CLPX: variants seen among roughly 807,000 people sequenced by gnomAD.
CLPX encodes the protein ATP-dependent clpX-like chaperone, mitochondrial.
Under a neutral mutation model 76.4 loss-of-function variants are expected in CLPX, and 34 were observed. That is an observed-to-expected ratio of 0.45 (90% CI 0.34 to 0.59). The LOEUF (loss-of-function observed/expected upper bound fraction) is 0.59. Among genes scored for constraint, CLPX ranks in the 20% least tolerant of loss-of-function variants. CLPX has a pLI of 0.01. For missense variants in CLPX, 613 were observed against 757.0 expected (o/e 0.81, Z 2.23); for synonymous variants, 248 against 270.9 (o/e 0.92, Z 0.83).
At chr15:65,182,985 A>G (rs1380949901) in intron 1 of CLPX, among the ~76,000 whole-genome samples, 2 of 151,430 alleles carry the variant, frequency 1.3e-5, no homozygotes, top group Non-Finnish European at 2.9e-5. Flanking sequence ...GAACATGGCA[A>G]AATCCCGTCT....
intron 3 of CLPX, among the ~76,000 whole-genome samples, chr15:65,168,917 C>T (rs1242086411): frequency 2.7e-5 from 4 of 148,594 alleles, no homozygotes; most frequent in Non-Finnish European, 4.5e-5. Flanking sequence ...AGTGCAGTGG[C>T]GTGATCACTA....
chr15:65,167,776 T>C (rs1390770273), intron 3 of CLPX, among the ~76,000 whole-genome samples: 1 of 150,916 alleles, frequency 6.6e-6, no homozygotes, highest in Non-Finnish European at 1.5e-5. Context: ...TAATCCCAGC[T>C]ACTCGGGAGG....
chr15:65,160,368 T>G lies in CLPX; in HGVS notation c.716-1617A>C, dbSNP rs192913156. 3.4e-3 allele frequency among the ~76,000 whole-genome samples: 521 copies of G among 152,296 alleles called. 2 individuals carry two copies. Among genetic ancestry groups the G allele is most frequent in the African/African-American group, 0.012 (501 of 41,558 alleles). On this transcript the variant is annotated intron_variant, in intron 6 of 13. Coordinates refer to ENST00000300107, the MANE Select transcript of CLPX (RefSeq NM_006660.5). ...ATAATTAGTGAATAATTCACAATGTTGTGCCTCATTATAATCCACATCAGC... is the reference window on the plus strand; with the variant it reads ...ATAATTAGTGAATAATTCACAATGTGGTGCCTCATTATAATCCACATCAGC...
chr15:65,159,418 C>A (rs946583374), intron 6 of CLPX, among the ~76,000 whole-genome samples: 1 of 152,180 alleles, frequency 6.6e-6, no homozygotes, highest in South Asian at 2.1e-4. Flanking sequence ...TGAGAACAGC[C>A]TGGCCAACAC....
At chr15:65,167,914 CAT>C (rs892638840) in intron 3 of CLPX, among the ~76,000 whole-genome samples, 9 of 151,352 alleles carry the variant, frequency 5.9e-5, no homozygotes, top group Admixed American at 5.9e-4. Context: ...ATAATTATTT[CAT>C]ATCTTTCTTA....
chr15:65,185,037 G>GA, intron 1 of CLPX, 38 bp downstream of exon 1: 2 of 1,205,602 alleles, frequency 1.7e-6, no homozygotes, highest in South Asian at 3.1e-5. Context: ...CCCCCCCCCC[G>GA]ACAGGCTGAG....
intron 6 of CLPX, among the ~76,000 whole-genome samples, chr15:65,159,106 A>G (rs918226836): frequency 6.6e-6 from 1 of 152,240 alleles, no homozygotes; most frequent in African/African-American, 2.4e-5. Flanking sequence ...TAGAAGCTAC[A>G]TGATCTAGGG....
In CLPX at chr15:65,158,651, ACCT is replaced by A; in HGVS notation, c.813_815del (p.Gly272del). 2 of 1,613,766 alleles carry A rather than the reference ACCT, an allele frequency of 1.2e-6. No individual in the cohort carries two copies. The highest frequency in any genetic ancestry group is 1.7e-6 in the Non-Finnish European group (2 of 1,179,860). ...CATCATGAGAAGAATCCAATACTTC[ACCT>A]CCTCGTTTTTCCTGAGGTATTTGTT... On this transcript the variant is annotated inframe_deletion, in exon 7 of 14. Coordinates refer to ENST00000300107, the MANE Select transcript of CLPX (RefSeq NM_006660.5).
chr15:65,162,696 AC>A, intron 5 of CLPX, 51 bp from the exon 6 acceptor site: 1 of 1,016,964 alleles, frequency 9.8e-7, no homozygotes, highest in Non-Finnish European at 1.5e-6. Context: ...GGGGGAACAA[AC>A]AATGAGTATC....
intron 12 of CLPX, among the ~76,000 whole-genome samples, chr15:65,152,778 G>C (rs2087739356): frequency 6.6e-6 from 1 of 151,400 alleles, no homozygotes; most frequent in Non-Finnish European, 1.5e-5. Context: ...TGTATTTTTA[G>C]TAGAGATGGG....
At chr15:65,171,277 T>A (rs1415069151) in intron 3 of CLPX, among the ~76,000 whole-genome samples, 9 of 151,842 alleles carry the variant, frequency 5.9e-5, no homozygotes, top group Admixed American at 5.2e-4. Flanking sequence ...TGAAACCCTG[T>A]CATTACTAAA....
intron 11 of CLPX, among the ~76,000 whole-genome samples, chr15:65,154,168 C>A (rs1273056475): frequency 6.6e-6 from 1 of 152,106 alleles, no homozygotes; most frequent in Non-Finnish European, 1.5e-5. Flanking sequence ...ATGATCCATT[C>A]CAGAAGTAAA....
intron 6 of CLPX, among the ~76,000 whole-genome samples, chr15:65,160,623 T>TCACACACACACA (rs375655324): frequency 3.4e-4 from 34 of 100,968 alleles, no homozygotes; most frequent in African/African-American, 9.8e-4. Flanking sequence ...TCTCTCTCTC[T>TCACACACACACA]CACACACACA....
rs2087818181 is a variant in CLPX at position 65,158,565 on chromosome 15, A to C, written c.892+10T>G. The C allele has an allele frequency of 1.9e-6, 3 of 1,596,602 alleles. No individual in the cohort carries two copies. The highest frequency in any genetic ancestry group is 3.6e-5 in the Admixed American group (2 of 56,208). On this transcript the variant is annotated intron_variant, in intron 7 of 13. Transcript: ENST00000300107. ...AAATGAGTAGTAAATTTTCTCAGCA[A>C]GTTATTTACCTGACCCAGTTGGTCC...
chr15:65,162,481 G>GTA, intron 6 of CLPX, 123 bp downstream of exon 6: 1 of 603,936 alleles, frequency 1.7e-6, no homozygotes, highest in Non-Finnish European at 2.9e-6. Flanking sequence ...TAGATAATAC[G>GTA]TATCTTTCTT....
Position 65,154,862 on chromosome 15 carries a change from C to G in CLPX, c.1531G>C (p.Glu511Gln), listed in dbSNP as rs930316852. The G allele has an allele frequency of 2.5e-5, 40 of 1,614,160 alleles. No homozygotes were observed. Among genetic ancestry groups the G allele is most frequent in the Non-Finnish European group, 3.2e-5 (38 of 1,179,978 alleles). The change falls in exon 11 of 14, where the codon GAG becomes CAG. Residue 511 changes from glutamate (E) to glutamine (Q), a missense_variant. Physicochemically the swap from Glu to Gln is conservative, Grantham distance 29 (BLOSUM62 2). Around this residue, in one of 2 missense-constraint regions of CLPX, gnomAD observed 450 missense variants for 638.6 expected, o/e 0.70. Transcript: ENST00000300107. ...PVVVPLHSLD[E>Q]KTLVQILTEP... ...GTTAATATTTGTACAAGTGTTTTCT[C>G]ATCTAGGCTATGCAATGGAACCACC... is the stretch of plus-strand genomic sequence containing the variant.
Position 65,166,782 on chromosome 15 carries a change from G to C in CLPX, c.362C>G (p.Ser121Cys). The C allele has an allele frequency of 6.2e-7, 1 of 1,611,344 alleles. No homozygotes were observed. Among genetic ancestry groups the C allele is most frequent in the Non-Finnish European group, 8.5e-7 (1 of 1,179,066 alleles). ...CTTTTCACACTTGACAAAACGGGTG[G>C]ATGCTGTAAAAGAAAACAGACATAA... Reference protein sequence around the residue: ...LCTHVETFVSSTRFVKCEKCH... With the variant: ...LCTHVETFVSCTRFVKCEKCH... The change falls in exon 4 of 14, where the codon TCC becomes TGC. Residue 121 changes from serine (S) to cysteine (C), a missense_variant. Ser to Cys is a moderately radical substitution (Grantham distance 112, BLOSUM62 -1). Transcript: ENST00000300107.
intron 4 of CLPX, 121 bp downstream of exon 4, chr15:65,166,510 A>G: frequency 9.4e-7 from 1 of 1,064,338 alleles, no homozygotes; most frequent in Non-Finnish European, 1.4e-6. Flanking sequence ...TATGGTCCAT[A>G]TTATGAACCT....
At chr15:65,159,482 C>T (rs759086888) in intron 6 of CLPX, among the ~76,000 whole-genome samples, 8 of 152,232 alleles carry the variant, frequency 5.3e-5, no homozygotes, top group Admixed American at 2.6e-4. Context: ...TGATGGCACG[C>T]GCCTATAGTC....
Sources: allele counts gnomAD v4.1 joint callset (sites outside exome capture counted in the v4.1 genomes callset), GRCh38; gene constraint gnomAD v4.1.1; regional missense constraint gnomAD v4.1.1; transcripts MANE v1.5; gene names NCBI Gene and HGNC (gene_info 2026-07-23, HGNC 2026-07-21).